Variants in ZNF737 observed in about 807,000 individuals in gnomAD.
The protein encoded by ZNF737 is zinc finger protein 102 (Y3).
A neutral mutation model predicts 11.7 loss-of-function variants in ZNF737; 13 were observed. That is an observed-to-expected ratio of 1.11 (90% CI 0.73 to 1.77). ZNF737 has a LOEUF of 1.77. Ranked by LOEUF, ZNF737 falls within the 40% of genes most tolerant of loss-of-function variation. The pLI is 0.00. For synonymous variants in ZNF737, 217 were observed against 216.2 expected (o/e 1.00, Z -0.03); for missense variants, 636 against 638.0 (o/e 1.00, Z 0.03).
At position 20,545,942 on chromosome 19, in the gene ZNF737, T is replaced by C; in HGVS notation, c.261A>G (p.Pro87=). The C allele has an allele frequency of 6.4e-7, 1 of 1,560,668 alleles. No homozygotes were observed. ...TCSHFARDLW[P]EQSIKDSFQK... is the part of the protein sequence containing the mutation. The stretch of plus-strand genomic sequence containing the variant: ...GGAAAGAATCTTTTATGCTCTGCTC[T>C]GGCCAAAGATCTCGGGCAAAATGAG... Residue 87 remains proline, a synonymous_variant, in exon 4 of 4, where the codon CCA becomes CCG. Transcript: ENST00000427401.
intron 1 of ZNF737, among the ~76,000 whole-genome samples, chr19:20,554,896 C>T (rs1968828197): frequency 6.9e-6 from 1 of 145,308 alleles, no homozygotes. Flanking sequence ...AAGTCTCACT[C>T]TTGTCCCCCA....
chr19:20,535,555 T>G (rs372031801), downstream of ZNF737, among the ~76,000 whole-genome samples: 1 of 150,930 alleles, frequency 6.6e-6, no homozygotes, highest in African/African-American at 2.4e-5. Context: ...GATGGAATTT[T>G]GCTTTTGTCA....
chr19:20,552,325 TA>T, intron 3 of ZNF737, 149 bp downstream of exon 3: 1 of 501,306 alleles, frequency 2.0e-6, no homozygotes, highest in Non-Finnish European at 3.2e-6. Flanking sequence ...GAGCAAAATT[TA>T]AAAAAGAAAA....
intron 1 of ZNF737, among the ~76,000 whole-genome samples, chr19:20,554,151 A>G (rs73529686): frequency 0.055 from 8,452 of 152,294 alleles, 801 homozygotes; most frequent in African/African-American, 0.19. Context: ...AATATTTTTC[A>G]GATGACAAAG....
chr19:20,552,170 A>C (rs1221301217), intron 3 of ZNF737, among the ~76,000 whole-genome samples: 1 of 152,084 alleles, frequency 6.6e-6, no homozygotes, highest in African/African-American at 2.4e-5. Context: ...TCCCCAAAAC[A>C]ATGAAAAAGC....
Position 20,544,551 on chromosome 19 carries a change from G to C in ZNF737, c.*41C>G. 10 of 1,553,014 alleles carry C rather than the reference G, an allele frequency of 6.4e-6. No homozygotes were observed. Among genetic ancestry groups the C allele is most frequent in the Non-Finnish European group, 8.7e-6 (10 of 1,155,618 alleles). ...ATATGAATTTTCTTATGTGAAAAAA[G>C]CATAGTGGGATAGCTTAAAGCTTTG... On this transcript the variant is annotated 3_prime_UTR_variant, in exon 4 of 4. Transcript: ENST00000427401.
chr19:20,562,654 C>A (rs1969142043), intron 1 of ZNF737, among the ~76,000 whole-genome samples: 1 of 152,032 alleles, frequency 6.6e-6, no homozygotes, highest in Non-Finnish European at 1.5e-5. Context: ...AGGATTTCAC[C>A]ATGTTGGCCA....
chr19:20,540,206 T>C lies in ZNF737; in HGVS notation c.*4386A>G. On this transcript the variant is annotated 3_prime_UTR_variant, in exon 4 of 4. Coordinates refer to ENST00000427401, the MANE Select transcript of ZNF737 (RefSeq NM_001159293.2). ...TGTTCTACCTAGAAGTCACTTACTT[T>C]CAGGCCAGCAGGGGTGTTTTTCTGT... 4.1e-6 allele frequency: 4 copies of C among 972,656 alleles called. No homozygotes were observed. The highest frequency in any genetic ancestry group is 4.9e-6 in the Non-Finnish European group (4 of 818,360). The allele number at this position is 972,656 out of a possible 1,614,324, so 60.3% of individuals were successfully genotyped here. A position where few individuals can be genotyped will look rare whatever the true frequency, so the allele number is the denominator to read the frequency against.
In ZNF737 at chr19:20,542,270, C is replaced by T. The variant is rs970203230; in HGVS notation, c.*2322G>A. 39 of 878,044 alleles carry T rather than the reference C, an allele frequency of 4.4e-5. No homozygotes were observed. The African/African-American group carries it at 6.9e-4, about 16-fold the overall frequency. The allele number at this position is 878,044 out of a possible 1,614,324, so 54.4% of individuals were successfully genotyped here. On this transcript the variant is annotated 3_prime_UTR_variant, in exon 4 of 4. Coordinates refer to ENST00000427401, the MANE Select transcript of ZNF737 (RefSeq NM_001159293.2). Reference sequence around the variant, plus strand: ...TGAGACAGAGTTTTGCTCTTGTTGCCCAGACTGGAGTGCAATCGCACAATC... The same window carrying T: ...TGAGACAGAGTTTTGCTCTTGTTGCTCAGACTGGAGTGCAATCGCACAATC...
chr19:20,533,307 G>A (rs1967874072), downstream of ZNF737, among the ~76,000 whole-genome samples: 1 of 148,896 alleles, frequency 6.7e-6, no homozygotes, highest in South Asian at 2.2e-4. Flanking sequence ...ATGTATGAAA[G>A]GTTTTTGTAT....
chr19:20,563,851 G>A (rs1326282637), intron 1 of ZNF737, among the ~76,000 whole-genome samples: 35 of 152,202 alleles, frequency 2.3e-4, no homozygotes, highest in African/African-American at 8.4e-4. Flanking sequence ...GAAAATATAT[G>A]TATTATTTTA....
At chr19:20,563,208 G>A (rs1475278341) in intron 1 of ZNF737, among the ~76,000 whole-genome samples, 1 of 70,148 alleles carries the variant, frequency 1.4e-5, no homozygotes, top group Admixed American at 1.8e-4. Flanking sequence ...TGCCTGTGGG[G>A]CCCCAGCTTT....
In ZNF737 at chr19:20,562,606, C is replaced by A. The variant is rs146213642; in HGVS notation, c.3+3032G>T. Reference sequence around the variant, plus strand: ...CTCCCGACCTCAGGTGATCTGCCCACCTCAGCCTCCCAATAATTTTTGTAT... The same window carrying A: ...CTCCCGACCTCAGGTGATCTGCCCAACTCAGCCTCCCAATAATTTTTGTAT... On this transcript the variant is annotated intron_variant, in intron 1 of 3. Transcript: ENST00000427401. Among the ~76,000 whole-genome samples the A allele has an allele frequency of 2.6e-5, 4 of 151,888 alleles. No individual in the cohort carries two copies. The East Asian group carries it at 7.8e-4, about 29-fold the overall frequency.
chr19:20,552,005 A>G (rs1251624696), intron 3 of ZNF737, among the ~76,000 whole-genome samples: 1 of 151,566 alleles, frequency 6.6e-6, no homozygotes. Context: ...CATACGTATA[A>G]TTTCAAACTA....
intron 1 of ZNF737, among the ~76,000 whole-genome samples, chr19:20,558,481 T>C (rs1968970466): frequency 6.6e-6 from 1 of 152,082 alleles, no homozygotes; most frequent in Admixed American, 6.5e-5. Flanking sequence ...AGCTTCTGGA[T>C]TGTAGGAAAA....
Position 20,540,381 on chromosome 19 carries a change from G to C in ZNF737, c.*4211C>G, listed in dbSNP as rs1555754851. On this transcript the variant is annotated 3_prime_UTR_variant, in exon 4 of 4. Transcript: ENST00000427401. ...TCACACATTTTTTTTACACTCAAGA[G>C]GAAAGTATGACACAGCACGTGTGCA... Among the ~76,000 whole-genome samples the C allele has an allele frequency of 6.6e-6, 1 of 152,112 alleles. No homozygotes were observed. The highest frequency in any genetic ancestry group is 1.5e-5 in the Non-Finnish European group (1 of 68,026).
chr19:20,532,161 C>A (rs1204640886), downstream of ZNF737, among the ~76,000 whole-genome samples: 2 of 150,030 alleles, frequency 1.3e-5, 1 homozygote, highest in Admixed American at 1.3e-4. Context: ...TGTGTTCACA[C>A]CTACCATTTG....
At chr19:20,537,372 T>C (rs1285296250), downstream of ZNF737, among the ~76,000 whole-genome samples, 1 of 151,532 alleles carries the variant, frequency 6.6e-6, no homozygotes, top group Non-Finnish European at 1.5e-5. Flanking sequence ...GGCTAATTTC[T>C]TGTATTTTTA....
At position 20,540,487 on chromosome 19, in the gene ZNF737, A is replaced by C. The variant is rs1968156800; in HGVS notation, c.*4105T>G. ...TGTTTAAAATCATCTTTTGCTGGGC[A>C]CGGTGGCTCATGATTCTAATACCAG... On this transcript the variant is annotated 3_prime_UTR_variant, in exon 4 of 4. Transcript: ENST00000427401. 6.6e-6 allele frequency among the ~76,000 whole-genome samples: 1 copy of C among 152,186 alleles called. No homozygotes were observed. Among genetic ancestry groups the C allele is most frequent in the Non-Finnish European group, 1.5e-5 (1 of 68,028 alleles).
Sources: allele counts gnomAD v4.1 joint callset (sites outside exome capture counted in the v4.1 genomes callset), GRCh38; gene constraint gnomAD v4.1.1; transcripts MANE v1.5; gene names NCBI Gene and HGNC (gene_info 2026-07-23, HGNC 2026-07-21).